TENM2: variants seen among roughly 807,000 people sequenced by gnomAD.
The protein encoded by TENM2 is teneurin-2.
In TENM2, 52 loss-of-function variants were observed where a neutral mutation model predicts 245.2. The observed-to-expected ratio is 0.21, with a 90% CI of 0.17 to 0.27. The LOEUF (loss-of-function observed/expected upper bound fraction) is 0.27, where lower values mean the gene tolerates loss of function less well. TENM2 is among the 10% of genes least tolerant of loss of function. The pLI, the probability that TENM2 is intolerant of heterozygous loss-of-function variation, is 1.00. For missense variants in TENM2, 3,046 were observed against 3,666.8 expected, an observed-to-expected ratio of 0.83 and a Z score of 4.37; for synonymous variants, 1,363 against 1,438.9, an observed-to-expected ratio of 0.95 and a Z score of 1.19.
rs571596387 is a variant in TENM2 at position 168,063,838 on chromosome 5, T to C, written c.1515+1573T>C. Among the ~76,000 whole-genome samples the C allele has an allele frequency of 5.3e-5, 8 of 152,276 alleles. No homozygotes were observed. In the South Asian group the frequency reaches 1.7e-3, roughly 32 times the overall value. On this transcript the variant is annotated intron_variant, in intron 7 of 28. Transcript: ENST00000518659. ...TCTTTACAGCCTAAAATGATCAATA[T>C]AAGAACTAAAAGGACTATTTCTTTT...
chr5:168,140,646 GC>G (rs1478536635), intron 12 of TENM2, among the ~76,000 whole-genome samples: 16 of 152,288 alleles, frequency 1.1e-4, no homozygotes, highest in African/African-American at 3.9e-4. Flanking sequence ...CTAATGCCAT[GC>G]TCTGAAATGC....
chr5:167,450,205 T>A (rs1289300017), intron 2 of TENM2, among the ~76,000 whole-genome samples: 1 of 152,176 alleles, frequency 6.6e-6, no homozygotes, highest in Non-Finnish European at 1.5e-5. Context: ...TGCATGCTCA[T>A]TTTTTGTTCA....
chr5:167,983,454 C>A (rs572636016), intron 4 of TENM2, among the ~76,000 whole-genome samples: 62 of 152,156 alleles, frequency 4.1e-4, no homozygotes, highest in African/African-American at 1.4e-3. Flanking sequence ...ATTTTTGGTA[C>A]GGCTGCAAAT....
intron 2 of TENM2, among the ~76,000 whole-genome samples, chr5:167,637,020 C>G (rs1025280743): frequency 6.6e-6 from 1 of 152,076 alleles, no homozygotes; most frequent in Non-Finnish European, 1.5e-5. Flanking sequence ...TGACCTAGAA[C>G]AAATTATTTG....
At chr5:167,751,859 A>G (rs1761978695) in intron 2 of TENM2, among the ~76,000 whole-genome samples, 1 of 151,622 alleles carries the variant, frequency 6.6e-6, no homozygotes, top group African/African-American at 2.4e-5. Context: ...GAATTCCTCT[A>G]TTTCTCTTCC....
At chr5:168,039,658 C>T (rs556441208) in intron 5 of TENM2, among the ~76,000 whole-genome samples, 24 of 152,242 alleles carry the variant, frequency 1.6e-4, no homozygotes, top group African/African-American at 5.8e-4. Context: ...GCTGAGCTGA[C>T]TTGGTGGACA....
At position 167,631,883 on chromosome 5, in the gene TENM2, C is replaced by G. The variant is rs75126059; in HGVS notation, c.503-244103C>G. ...CCCAGATTGTGGATTATGATTATGT[C>G]TTTGATTATTTATTTGCCCCTCTCT... On this transcript the variant is annotated intron_variant, in intron 2 of 28. Transcript: ENST00000518659. Among the ~76,000 whole-genome samples the G allele has an allele frequency of 1.5e-3, 221 of 152,158 alleles. 2 individuals carry two copies. The East Asian group carries it at 0.031, about 22-fold the overall frequency.
intron 3 of TENM2, among the ~76,000 whole-genome samples, chr5:167,889,125 A>T (rs1297407859): frequency 3.3e-5 from 5 of 152,194 alleles, no homozygotes; most frequent in Admixed American, 1.3e-4. Flanking sequence ...AAACAAAAAA[A>T]CTAAACTGAT....
At chr5:168,233,943 A>T (rs1181156300) in intron 25 of TENM2, among the ~76,000 whole-genome samples, 1 of 152,144 alleles carries the variant, frequency 6.6e-6, no homozygotes, top group Non-Finnish European at 1.5e-5. Context: ...CCAGGATTCA[A>T]TTACCTCCCC....
chr5:167,738,894 T>G (rs1760984108), intron 2 of TENM2, among the ~76,000 whole-genome samples: 1 of 152,154 alleles, frequency 6.6e-6, no homozygotes, highest in African/African-American at 2.4e-5. Flanking sequence ...AATCACCTCT[T>G]TAAATGCCCT....
At position 167,640,154 on chromosome 5, in the gene TENM2, T is replaced by C. The variant is rs185671632; in HGVS notation, c.503-235832T>C. 5.9e-5 allele frequency among the ~76,000 whole-genome samples: 9 copies of C among 152,308 alleles called. No individual in the cohort carries two copies. The East Asian group carries it at 1.5e-3, about 26-fold the overall frequency. On this transcript the variant is annotated intron_variant, in intron 2 of 28. Coordinates refer to ENST00000518659, the Ensembl canonical transcript of TENM2. The stretch of plus-strand genomic sequence containing the variant: ...TATGTACTTGGGCACTATTTAAAGA[T>C]TTTGAGAATCAAAACCCTACCAACT...
At chr5:167,167,017 C>G in the TENM2 span, among the ~76,000 whole-genome samples, 1 of 152,062 alleles carries the variant, frequency 6.6e-6, no homozygotes, top group Non-Finnish European at 1.5e-5. Context: ...CCTTCCTTCT[C>G]GATTCTTCAC....
chr5:167,465,869 A>C (rs1327277624), intron 2 of TENM2, among the ~76,000 whole-genome samples: 3 of 152,110 alleles, frequency 2.0e-5, no homozygotes, highest in Non-Finnish European at 4.4e-5. Flanking sequence ...GCCCAAGGTC[A>C]CAAAACTACA....
At chr5:167,638,808 A>C (rs145631560) in intron 2 of TENM2, among the ~76,000 whole-genome samples, 8 of 152,326 alleles carry the variant, frequency 5.3e-5, no homozygotes, top group Non-Finnish European at 1.2e-4. Flanking sequence ...AAGTGTGTGA[A>C]AATCAAAAAT....
chr5:167,117,613 C>G, the TENM2 span, among the ~76,000 whole-genome samples: 1 of 152,174 alleles, frequency 6.6e-6, no homozygotes, highest in African/African-American at 2.4e-5. Context: ...ATGGATAGGT[C>G]TGGTGTTTAG....
chr5:168,020,612 T>G (rs1308542479), intron 5 of TENM2, among the ~76,000 whole-genome samples: 1 of 152,208 alleles, frequency 6.6e-6, no homozygotes, highest in Non-Finnish European at 1.5e-5. Flanking sequence ...CGGTTGCGTC[T>G]TCACCTTGGG....
At chr5:167,459,146 C>G (rs767110984) in intron 2 of TENM2, among the ~76,000 whole-genome samples, 55 of 152,280 alleles carry the variant, frequency 3.6e-4, no homozygotes, top group Non-Finnish European at 6.8e-4. Context: ...AATAACTGCC[C>G]TATTTCCCCC....
intron 5 of TENM2, among the ~76,000 whole-genome samples, chr5:168,045,423 C>T (rs1033412998): frequency 3.9e-5 from 6 of 152,154 alleles, no homozygotes; most frequent in African/African-American, 1.2e-4. Flanking sequence ...TCCTTTTCTC[C>T]CAAAGCTGAT....
Position 168,252,862 on chromosome 5 carries a change from AAAAAG to A in TENM2, c.7432+4503_7432+4507del, listed in dbSNP as rs554075444. On this transcript the variant is annotated intron_variant, in intron 27 of 28. Coordinates refer to ENST00000518659, the Ensembl canonical transcript of TENM2. ...AACTCAGTCTCAAAAAAAAAAAACAAAAAAGAAAAGAAAAGAGGCACTACTTCTAA... is the reference window on the plus strand; with the variant it reads ...AACTCAGTCTCAAAAAAAAAAAACAAAAAAGAAAAGAGGCACTACTTCTAA... Among the ~76,000 whole-genome samples the A allele has an allele frequency of 2.6e-4, 39 of 152,134 alleles. No individual in the cohort carries two copies. The South Asian group carries it at 7.0e-3, about 27-fold the overall frequency.
Sources: gnomAD v4.1 joint callset for allele counts (sites outside exome capture counted in the v4.1 genomes callset) on GRCh38, gnomAD v4.1.1 for gene constraint, MANE v1.5 for transcripts, NCBI Gene and HGNC (gene_info 2026-07-23, HGNC 2026-07-21) for gene names.